KANSL1: variants seen among roughly 807,000 people sequenced by gnomAD.
KANSL1 encodes MLL1/MLL complex subunit KANSL1.
A neutral mutation model predicts 103.6 loss-of-function variants in KANSL1; 22 were observed. That is an observed-to-expected ratio of 0.21 (90% confidence interval 0.15 to 0.30). KANSL1 has a LOEUF of 0.30. KANSL1 is among the 10% of genes least tolerant of loss of function. The pLI is 1.00. For synonymous variants in KANSL1, 600 were observed against 527.6 expected (o/e 1.14, Z -1.88); for missense variants, 1,337 against 1,399.8 (o/e 0.96, Z 0.72).
chr17:46,031,635 C>G lies in KANSL1; in HGVS notation c.3159G>C (p.Gln1053His), dbSNP rs778781627. The G allele has an allele frequency of 1.2e-6, 2 of 1,613,966 alleles. No homozygotes were observed. Among genetic ancestry groups the G allele is most frequent in the Admixed American group, 1.7e-5 (1 of 60,014 alleles). Residue 1053 changes from glutamine (Q) to histidine (H), a missense_variant, in exon 15 of 15, where the codon CAG becomes CAC. By Grantham distance (24) the Gln-to-His change is conservative. Coordinates refer to ENST00000432791, the MANE Select transcript of KANSL1 (RefSeq NM_015443.4). Reference protein sequence around the residue: ...AHSPQAECEDQLDAQERAARC... With the variant: ...AHSPQAECEDHLDAQERAARC... Reference sequence around the variant, plus strand: ...GGGCTGCTCGCTCCTGTGCATCCAGCTGGTCCTCACACTCCGCCTGGGGAC... The same window carrying G: ...GGGCTGCTCGCTCCTGTGCATCCAGGTGGTCCTCACACTCCGCCTGGGGAC...
In KANSL1 at chr17:46,031,200, GCAGAGGATGTGC is replaced by G; in HGVS notation, c.*264_*275del. On this transcript the variant is annotated 3_prime_UTR_variant, in exon 15 of 15. Coordinates refer to ENST00000432791, the MANE Select transcript of KANSL1 (RefSeq NM_015443.4). ...TCAGTAAGTCCAGTGATTCAACAGTGCAGAGGATGTGCCAGGACCAGGCCAGCAGGGTCTCAT... is the reference window on the plus strand; with the variant it reads ...TCAGTAAGTCCAGTGATTCAACAGTGCAGGACCAGGCCAGCAGGGTCTCAT... The G allele has an allele frequency of 1.8e-6, 1 of 552,612 alleles. No individual in the cohort carries two copies. The highest frequency in any genetic ancestry group is 3.3e-6 in the Non-Finnish European group (1 of 307,246). 34.2% of individuals were successfully genotyped at this position (552,612 alleles called of 1,614,324 possible).
intron 2 of KANSL1, among the ~76,000 whole-genome samples, chr17:46,100,721 G>C (rs1598618793): frequency 6.6e-6 from 1 of 152,196 alleles, no homozygotes; most frequent in Non-Finnish European, 1.5e-5. Context: ...CTCTAATTAA[G>C]TCACCTAATT....
At position 46,099,534 on chromosome 17, in the gene KANSL1, T is replaced by C. The variant is rs376156457; in HGVS notation, c.1290-4833A>G. ...TTCAGGAAAGAACACAGGACTAAGGTTGCAGAATAATACTTTAAATACAAT... is the reference window on the plus strand; with the variant it reads ...TTCAGGAAAGAACACAGGACTAAGGCTGCAGAATAATACTTTAAATACAAT... On this transcript the variant is annotated intron_variant, in intron 2 of 14. Transcript: ENST00000432791. Among the ~76,000 whole-genome samples, 213 of 152,304 alleles carry C rather than the reference T, an allele frequency of 1.4e-3. 2 individuals carry two copies. The highest frequency in any genetic ancestry group is 0.01 in the Middle Eastern group (3 of 294).
intron 2 of KANSL1, among the ~76,000 whole-genome samples, chr17:46,135,483 A>G (rs148124082): frequency 2.6e-5 from 4 of 152,250 alleles, no homozygotes; most frequent in Admixed American, 6.5e-5. Flanking sequence ...CAGACATTCT[A>G]AAAGATTCAA....
At chr17:46,174,241 G>A (rs918322485) in intron 1 of KANSL1, among the ~76,000 whole-genome samples, 1 of 152,214 alleles carries the variant, frequency 6.6e-6, no homozygotes. Flanking sequence ...CTGGAGTGCA[G>A]TGGTATGATC....
chr17:46,100,443 C>A lies in KANSL1; in HGVS notation c.1290-5742G>T, dbSNP rs111423923. On this transcript the variant is annotated intron_variant, in intron 2 of 14. Coordinates refer to ENST00000432791, the MANE Select transcript of KANSL1 (RefSeq NM_015443.4). Reference sequence around the variant, plus strand: ...TACAACAGAGTGAGACTCCCTCTCCCCAAAAAAAAAAAAAAAAAGCGCCCT... The same window carrying A: ...TACAACAGAGTGAGACTCCCTCTCCACAAAAAAAAAAAAAAAAAGCGCCCT... Among the ~76,000 whole-genome samples the A allele has an allele frequency of 3.5e-3, 381 of 107,522 alleles. 4 individuals carry two copies. The highest frequency in any genetic ancestry group is 6.6e-3 in the Non-Finnish European group (272 of 41,476). The allele number at this position is 107,522 out of a possible 152,430, so 70.5% of individuals were successfully genotyped here.
intron 2 of KANSL1, among the ~76,000 whole-genome samples, chr17:46,123,452 C>T (rs2043375069): frequency 6.6e-6 from 1 of 152,178 alleles, no homozygotes; most frequent in Non-Finnish European, 1.5e-5. Context: ...TGAAAGCCAA[C>T]ATAGGCTGAA....
intron 2 of KANSL1, among the ~76,000 whole-genome samples, chr17:46,117,493 T>C (rs1690728035): frequency 6.6e-6 from 1 of 152,246 alleles, no homozygotes; most frequent in African/African-American, 2.4e-5. Flanking sequence ...AATAAAGGTC[T>C]GTTAAATAGA....
rs1020417559 is a variant in KANSL1 at position 46,038,382 on chromosome 17, A to C, written c.2541+156T>G. 4 of 771,610 alleles carry C rather than the reference A, an allele frequency of 5.2e-6. No individual in the cohort carries two copies. The African/African-American group carries it at 7.0e-5, about 14-fold the overall frequency. The allele number at this position is 771,610 out of a possible 1,614,324, so 47.8% of individuals were successfully genotyped here. A position where few individuals can be genotyped will look rare whatever the true frequency, so the allele number is the denominator to read the frequency against. On this transcript the variant is annotated intron_variant, in intron 10 of 14. Transcript: ENST00000432791. ...AGGTCAAGTACCATGACTTTGACTTAAAAATGGTACAGACATACATACATA... is the reference window on the plus strand; with the variant it reads ...AGGTCAAGTACCATGACTTTGACTTCAAAATGGTACAGACATACATACATA...
Position 46,031,601 on chromosome 17 carries a change from G to C in KANSL1, c.3193C>G (p.Arg1065Gly), listed in dbSNP as rs2146300587. Residue 1065 changes from arginine (R) to glycine (G), a missense_variant, in exon 15 of 15, where the codon CGA becomes GGA. Arg to Gly is a moderately radical substitution (Grantham distance 125). Coordinates refer to ENST00000432791, the MANE Select transcript of KANSL1 (RefSeq NM_015443.4). ...CCAGTCTTGCTGCCTGAGGTGCGTC[G>C]AGTGCAGCGGGCTGCTCGCTCCTGT... ...DAQERAARCT[R>G]RTSGSKTGRE... The C allele has an allele frequency of 6.2e-7, 1 of 1,614,114 alleles. No homozygotes were observed. The highest frequency in any genetic ancestry group is 8.5e-7 in the Non-Finnish European group (1 of 1,180,008).
At chr17:46,131,565 C>G (rs1486185444) in intron 2 of KANSL1, among the ~76,000 whole-genome samples, 1 of 152,182 alleles carries the variant, frequency 6.6e-6, no homozygotes, top group Non-Finnish European at 1.5e-5. Context: ...ACAATGACAA[C>G]CCATCATCTT....
intron 4 of KANSL1, among the ~76,000 whole-genome samples, 197 bp from the exon 5 acceptor site, chr17:46,067,864 C>T (rs758818287): frequency 2.0e-5 from 3 of 152,078 alleles, no homozygotes; most frequent in Non-Finnish European, 4.4e-5. Context: ...AATTGCAGCA[C>T]TTTGGGAGGC....
intron 1 of KANSL1, among the ~76,000 whole-genome samples, chr17:46,175,709 T>C (rs2046488907): frequency 6.6e-6 from 1 of 152,216 alleles, no homozygotes; most frequent in African/African-American, 2.4e-5. Flanking sequence ...ACCAACACTC[T>C]TTATGAACTA....
intron 2 of KANSL1, among the ~76,000 whole-genome samples, chr17:46,097,837 C>A (rs1355763588): frequency 6.7e-6 from 1 of 149,986 alleles, no homozygotes; most frequent in Non-Finnish European, 1.5e-5. Context: ...AAGAACAAAT[C>A]TGACCACGAC....
chr17:46,067,189 C>T (rs893908970), intron 5 of KANSL1, among the ~76,000 whole-genome samples: 1 of 152,136 alleles, frequency 6.6e-6, no homozygotes, highest in African/African-American at 2.4e-5. Context: ...TGTTTTCTCC[C>T]TTGAATCTTC....
intron 13 of KANSL1, 136 bp from the exon 14 acceptor site, chr17:46,032,435 C>T: frequency 3.1e-6 from 2 of 647,864 alleles, no homozygotes; most frequent in Non-Finnish European, 5.1e-6. Context: ...TCCAGCAACT[C>T]CCATTTCTTC....
upstream of KANSL1, among the ~76,000 whole-genome samples, chr17:46,194,433 C>T (rs1422803741): frequency 6.6e-6 from 1 of 152,250 alleles, no homozygotes; most frequent in African/African-American, 2.4e-5. Context: ...TTCTCATGAC[C>T]AGTTTATCAG....
chr17:46,094,028 G>T (rs1229731730), intron 3 of KANSL1: 3 of 152,602 alleles, frequency 2.0e-5, no homozygotes, highest in African/African-American at 7.2e-5. Context: ...TGTTTTCCTT[G>T]TTTCCTGTTA....
At chr17:46,074,806 AATAT>A (rs976703951) in intron 4 of KANSL1, among the ~76,000 whole-genome samples, 2 of 145,794 alleles carry the variant, frequency 1.4e-5, no homozygotes, top group African/African-American at 5.2e-5. Context: ...TAAATAAATA[AATAT>A]TGTCAGTTAT....
Sources: allele counts gnomAD v4.1 joint callset (sites outside exome capture counted in the v4.1 genomes callset), GRCh38; gene constraint gnomAD v4.1.1; transcripts MANE v1.5; gene names NCBI Gene and HGNC (gene_info 2026-07-23, HGNC 2026-07-21).